SLC7A14: variants seen among roughly 807,000 people sequenced by gnomAD.
The protein encoded by SLC7A14 is gamma-aminobutyric acid transporter SLC7A14.
SLC7A14 carries 37 observed loss-of-function variants against 60.2 expected under a neutral mutation model. That is an observed-to-expected ratio of 0.61 (90% CI 0.47 to 0.81). The LOEUF (loss-of-function observed/expected upper bound fraction) is 0.81, where lower values mean the gene tolerates loss of function less well. Ranked by LOEUF, SLC7A14 falls within the 30% of genes least tolerant of loss-of-function variation. The pLI is 0.00. For synonymous variants in SLC7A14, 399 were observed against 395.8 expected, an observed-to-expected ratio of 1.01 and a Z score of -0.10; for missense variants, 886 against 982.7, an observed-to-expected ratio of 0.90 and a Z score of 1.32.
At chr3:170,482,252 C>G (rs528088617) in intron 6 of SLC7A14, among the ~76,000 whole-genome samples, 1 of 152,258 alleles carries the variant, frequency 6.6e-6, no homozygotes, top group South Asian at 2.1e-4. Context: ...GTGTTTGAAG[C>G]CCCAGTATCT....
chr3:170,567,954 A>G (rs1714841019), intron 1 of SLC7A14, among the ~76,000 whole-genome samples: 1 of 151,450 alleles, frequency 6.6e-6, no homozygotes, highest in South Asian at 2.1e-4. Flanking sequence ...CCCATTTTGT[A>G]GGTTGCCTGT....
At chr3:170,477,483 T>C (rs904853102) in intron 7 of SLC7A14, among the ~76,000 whole-genome samples, 1 of 152,230 alleles carries the variant, frequency 6.6e-6, no homozygotes, top group Non-Finnish European at 1.5e-5. Flanking sequence ...ATCTGTAAAA[T>C]AGAGATTGCT....
intron 2 of SLC7A14, among the ~76,000 whole-genome samples, chr3:170,515,227 C>T (rs1429489016): frequency 1.3e-5 from 2 of 151,698 alleles, no homozygotes; most frequent in Non-Finnish European, 2.9e-5. Flanking sequence ...GCAGGAGAAT[C>T]ACTGGAACCT....
intron 4 of SLC7A14, among the ~76,000 whole-genome samples, chr3:170,489,509 G>A (rs1489582785): frequency 1.3e-5 from 2 of 152,198 alleles, no homozygotes; most frequent in African/African-American, 2.4e-5. Flanking sequence ...ATTAGTACAG[G>A]CACTATGGAG....
At chr3:170,555,693 G>A (rs753248488) in intron 1 of SLC7A14, among the ~76,000 whole-genome samples, 5 of 152,146 alleles carry the variant, frequency 3.3e-5, no homozygotes, top group Non-Finnish European at 7.3e-5. Flanking sequence ...GAACAGAGTG[G>A]TAAGGATTTG....
At chr3:170,483,656 G>T (rs1711921214) in intron 5 of SLC7A14, 134 bp from the exon 6 acceptor site, 3 of 884,176 alleles carry the variant, frequency 3.4e-6, no homozygotes, top group Non-Finnish European at 5.3e-6. Context: ...TCACTTGCTG[G>T]CATGTGCCTT....
intron 2 of SLC7A14, among the ~76,000 whole-genome samples, chr3:170,506,100 T>A (rs1407101246): frequency 6.6e-6 from 1 of 152,242 alleles, no homozygotes; most frequent in African/African-American, 2.4e-5. Context: ...AGAATCAATA[T>A]GAAATCCAGT....
At chr3:170,473,412 G>A (rs1279684268) in intron 7 of SLC7A14, among the ~76,000 whole-genome samples, 1 of 152,198 alleles carries the variant, frequency 6.6e-6, no homozygotes. Context: ...GGAACTCCCT[G>A]TCCTCTCCAT....
intron 2 of SLC7A14, among the ~76,000 whole-genome samples, chr3:170,511,508 T>C (rs760832200): frequency 6.6e-6 from 1 of 152,194 alleles, no homozygotes; most frequent in Non-Finnish European, 1.5e-5. Flanking sequence ...GATGGTGATA[T>C]CTACTATGCA....
chr3:170,581,345 CT>C (rs1715228995), intron 1 of SLC7A14, among the ~76,000 whole-genome samples: 1 of 152,088 alleles, frequency 6.6e-6, no homozygotes, highest in Non-Finnish European at 1.5e-5. Flanking sequence ...TTCTGAACCC[CT>C]ATTACCATGA....
chr3:170,552,651 C>T (rs1337350322), intron 1 of SLC7A14, among the ~76,000 whole-genome samples: 1 of 152,182 alleles, frequency 6.6e-6, no homozygotes, highest in Non-Finnish European at 1.5e-5. Flanking sequence ...ACAGTCAAGA[C>T]ATCTCAAAAA....
intron 1 of SLC7A14, among the ~76,000 whole-genome samples, chr3:170,568,677 T>G (rs1244859013): frequency 6.6e-6 from 1 of 152,216 alleles, no homozygotes; most frequent in Non-Finnish European, 1.5e-5. Flanking sequence ...GTATCCTCTT[T>G]TATTTCATTG....
chr3:170,501,404 G>T, intron 2 of SLC7A14, 59 bp from the exon 3 acceptor site: 1 of 1,429,038 alleles, frequency 7.0e-7, no homozygotes, highest in Non-Finnish European at 9.9e-7. Flanking sequence ...ACATCCTGTG[G>T]CCAACAATCT....
intron 2 of SLC7A14, among the ~76,000 whole-genome samples, chr3:170,518,903 T>C (rs1036533702): frequency 1.3e-5 from 2 of 152,132 alleles, no homozygotes; most frequent in Non-Finnish European, 2.9e-5. Context: ...GCAGAGAGAA[T>C]TGGAGTGTCC....
chr3:170,584,547 C>T (rs1715323175), intron 1 of SLC7A14, among the ~76,000 whole-genome samples: 1 of 152,176 alleles, frequency 6.6e-6, no homozygotes, highest in Non-Finnish European at 1.5e-5. Flanking sequence ...AACCTTTTCC[C>T]AAGCGGAGTC....
At chr3:170,501,051 T>C (rs1712589877) in intron 3 of SLC7A14, 58 bp downstream of exon 3, 1 of 1,546,476 alleles carries the variant, frequency 6.5e-7, no homozygotes, top group Non-Finnish European at 8.9e-7. Flanking sequence ...AAAGGAGAAC[T>C]CATTTATGTG....
intron 4 of SLC7A14, chr3:170,496,375 G>T (rs1577512872): frequency 7.1e-7 from 1 of 1,415,930 alleles, no homozygotes; most frequent in East Asian, 2.3e-5. Context: ...CGGAACATCA[G>T]CCGGCTCCAG....
chr3:170,468,010 G>A (rs1330458216), intron 7 of SLC7A14, among the ~76,000 whole-genome samples: 10 of 152,216 alleles, frequency 6.6e-5, no homozygotes, highest in Non-Finnish European at 1.5e-5. Context: ...TGCTCTCAGA[G>A]TGTCTAGTGC....
intron 1 of SLC7A14, among the ~76,000 whole-genome samples, chr3:170,543,276 C>T (rs188718259): frequency 3.3e-5 from 5 of 152,182 alleles, no homozygotes; most frequent in Admixed American, 1.3e-4. Context: ...CCTAGTGTCT[C>T]GAACCAGCCC....
Sources: gnomAD v4.1 joint callset for allele counts (sites outside exome capture counted in the v4.1 genomes callset) on GRCh38, gnomAD v4.1.1 for gene constraint, MANE v1.5 for transcripts, NCBI Gene and HGNC (gene_info 2026-07-23, HGNC 2026-07-21) for gene names.